The following KIAA1958 variants were observed in gnomAD, a reference collection of about 807,000 sequenced individuals.
The protein encoded by KIAA1958 is KIAA1958.
KIAA1958 carries 14 observed loss-of-function variants against 47.2 expected under a neutral mutation model. The observed-to-expected ratio is 0.30, with a 90% CI of 0.20 to 0.46. KIAA1958 has a LOEUF of 0.46. Among genes scored for constraint, KIAA1958 ranks in the 20% least tolerant of loss-of-function variants. KIAA1958 has a pLI of 1.00. For synonymous variants in KIAA1958, 354 were observed against 353.3 expected (o/e 1.00, Z -0.02); for missense variants, 803 against 909.2 (o/e 0.88, Z 1.50).
rs139644267 is a variant in KIAA1958, at chr9:112,560,069, G to A, written c.-24-13988G>A. Reference sequence around the variant, plus strand: ...TATAAGTATTTTAGGTAGCTGCACTGATTTTTTTTTTTTGAGACAGTGTCT... The same window carrying A: ...TATAAGTATTTTAGGTAGCTGCACTAATTTTTTTTTTTTGAGACAGTGTCT... On this transcript the variant is annotated intron_variant, in intron 1 of 3. Coordinates refer to ENST00000337530, the MANE Select transcript of KIAA1958 (RefSeq NM_133465.4). 5.8e-4 allele frequency among the ~76,000 whole-genome samples: 87 copies of A among 151,056 alleles called. 1 individual carries two copies. Among genetic ancestry groups the A allele is most frequent in the African/African-American group, 2.1e-3 (87 of 41,274 alleles).
chr9:112,584,055 C>G (rs1053578938), intron 2 of KIAA1958, among the ~76,000 whole-genome samples: 3 of 151,868 alleles, frequency 2.0e-5, no homozygotes, highest in African/African-American at 7.3e-5. Flanking sequence ...AACAGCAAGA[C>G]CCAGTCTCTT....
intron 3 of KIAA1958, among the ~76,000 whole-genome samples, chr9:112,649,398 T>G (rs1360327151): frequency 6.6e-6 from 1 of 151,942 alleles, no homozygotes; most frequent in African/African-American, 2.4e-5. Flanking sequence ...GCTCAAGCTA[T>G]TCTCCTGCCT....
chr9:112,494,238 T>TA (rs1834016660), intron 1 of KIAA1958, among the ~76,000 whole-genome samples: 1 of 152,234 alleles, frequency 6.6e-6, no homozygotes, highest in African/African-American at 2.4e-5. Context: ...TTCTCCTAGA[T>TA]ACACAGTGTT....
chr9:112,521,093 A>T (rs1014279308), intron 1 of KIAA1958, among the ~76,000 whole-genome samples: 2 of 151,972 alleles, frequency 1.3e-5, no homozygotes, highest in African/African-American at 4.8e-5. Flanking sequence ...AATTAAAAAA[A>T]TTTTCTAATA....
At chr9:112,595,723 T>C (rs908415704) in intron 2 of KIAA1958, among the ~76,000 whole-genome samples, 5 of 151,418 alleles carry the variant, frequency 3.3e-5, no homozygotes, top group African/African-American at 1.2e-4. Flanking sequence ...TTTAATATAT[T>C]GATTGGCAGT....
intron 1 of KIAA1958, among the ~76,000 whole-genome samples, chr9:112,558,723 C>A (rs184965697): frequency 2.0e-5 from 3 of 152,178 alleles, no homozygotes; most frequent in Non-Finnish European, 4.4e-5. Flanking sequence ...TCAGCACTCA[C>A]CATCCACATA....
chr9:112,644,424 C>T (rs1380846996), intron 2 of KIAA1958, among the ~76,000 whole-genome samples: 4 of 152,098 alleles, frequency 2.6e-5, no homozygotes, highest in Non-Finnish European at 5.9e-5. Context: ...TTCCCACAGC[C>T]CTAGCCAGTT....
intron 2 of KIAA1958, among the ~76,000 whole-genome samples, chr9:112,584,457 A>T (rs185651321): frequency 2.6e-5 from 4 of 152,344 alleles, no homozygotes; most frequent in African/African-American, 9.6e-5. Flanking sequence ...GCATTGTAAC[A>T]TTATTGCTGT....
intron 2 of KIAA1958, among the ~76,000 whole-genome samples, chr9:112,620,638 C>T (rs1164946841): frequency 1.3e-5 from 2 of 152,108 alleles, no homozygotes; most frequent in African/African-American, 4.8e-5. Context: ...TTCATTTATA[C>T]ATCCAGAAAC....
intron 3 of KIAA1958, among the ~76,000 whole-genome samples, chr9:112,656,996 C>A (rs1040893404): frequency 6.6e-6 from 1 of 152,136 alleles, no homozygotes; most frequent in African/African-American, 2.4e-5. Flanking sequence ...GTCAGACCTG[C>A]TAGAAGTTTG....
chr9:112,554,360 T>C (rs1305724975), intron 1 of KIAA1958, among the ~76,000 whole-genome samples: 3 of 152,006 alleles, frequency 2.0e-5, no homozygotes, highest in Admixed American at 6.6e-5. Context: ...CAGCCGGGCA[T>C]GGTGGTGTGC....
chr9:112,523,006 C>G (rs1437538548), intron 1 of KIAA1958, among the ~76,000 whole-genome samples: 1 of 152,174 alleles, frequency 6.6e-6, no homozygotes, highest in African/African-American at 2.4e-5. Context: ...CTTGAATTAT[C>G]AAGATACAGG....
intron 1 of KIAA1958, among the ~76,000 whole-genome samples, chr9:112,506,078 T>C (rs1461757492): frequency 2.0e-5 from 3 of 152,138 alleles, no homozygotes; most frequent in Non-Finnish European, 2.9e-5. Flanking sequence ...ATAAAGTAAT[T>C]TTTGAACTAT....
chr9:112,635,623 C>G (rs1232311897), intron 2 of KIAA1958, among the ~76,000 whole-genome samples: 1 of 152,082 alleles, frequency 6.6e-6, no homozygotes, highest in Non-Finnish European at 1.5e-5. Context: ...TGTGGCTTTT[C>G]TAGATATTTG....
chr9:112,602,936 A>G (rs1432916698), intron 2 of KIAA1958, among the ~76,000 whole-genome samples: 2 of 152,210 alleles, frequency 1.3e-5, no homozygotes, highest in African/African-American at 4.8e-5. Flanking sequence ...GTAATTACAC[A>G]TGGAGTTATC....
intron 2 of KIAA1958, among the ~76,000 whole-genome samples, chr9:112,583,502 A>G (rs1441429447): frequency 6.6e-6 from 1 of 152,212 alleles, no homozygotes; most frequent in African/African-American, 2.4e-5. Flanking sequence ...CTCATAGTAT[A>G]TAAAAGGAGA....
intron 1 of KIAA1958, among the ~76,000 whole-genome samples, chr9:112,498,599 GTGT>G (rs1834083389): frequency 6.6e-6 from 1 of 152,116 alleles, no homozygotes; most frequent in African/African-American, 2.4e-5. Context: ...ATAATCTTAT[GTGT>G]AGAGTGGAGT....
chr9:112,526,567 A>C (rs754672584), intron 1 of KIAA1958, among the ~76,000 whole-genome samples: 1 of 152,162 alleles, frequency 6.6e-6, no homozygotes, highest in Non-Finnish European at 1.5e-5. Context: ...CTTTATAATT[A>C]ACAGAAGTTT....
At chr9:112,617,912 G>A (rs117026196) in intron 2 of KIAA1958, 39 of 1,550,414 alleles carry the variant, frequency 2.5e-5, no homozygotes, top group Non-Finnish European at 3.2e-5. Context: ...GGAGCAGAAC[G>A]AGAAAACCAT....
Sources: gnomAD v4.1 joint callset for allele counts (sites outside exome capture counted in the v4.1 genomes callset) on GRCh38, gnomAD v4.1.1 for gene constraint, MANE v1.5 for transcripts, NCBI Gene and HGNC (gene_info 2026-07-23, HGNC 2026-07-21) for gene names.